Variants in KNTC1 observed in about 807,000 individuals in gnomAD.
The protein encoded by KNTC1 is kinetochore associated 1.
KNTC1 carries 253 observed loss-of-function variants against 314.4 expected under a neutral mutation model. The observed-to-expected ratio is 0.80, with a 90% CI of 0.73 to 0.89. KNTC1 has a LOEUF of 0.89. KNTC1 is among the 40% of genes least tolerant of loss of function. KNTC1 has a pLI of 0.00. For synonymous variants in KNTC1, 901 were observed against 901.4 expected (o/e 1.00, Z 0.01); for missense variants, 2,475 against 2,572.9 (o/e 0.96, Z 0.82).
intron 2 of KNTC1, among the ~76,000 whole-genome samples, chr12:122,532,750 G>C (rs986239562): frequency 2.6e-5 from 4 of 152,092 alleles, no homozygotes; most frequent in African/African-American, 9.7e-5. Context: ...ATTCCTTTTA[G>C]GATCTTACCT....
At chr12:122,577,172 ACT>A (rs1457278642) in intron 30 of KNTC1, 143 bp downstream of exon 30, 6 of 558,902 alleles carry the variant, frequency 1.1e-5, no homozygotes, top group Non-Finnish European at 1.7e-5. Context: ...CTGGTCTCAA[ACT>A]CTCAACCTGA....
rs200477285 is a variant in KNTC1, at chr12:122,579,974, A to G, written c.2911A>G (p.Lys971Glu). The change falls in exon 32 of 64, where the codon AAA (lysine) becomes GAA (glutamate). Residue 971 changes from lysine to glutamate, a missense_variant. Transcript: ENST00000333479. ...DILKILCDIQ[K>E]DNLQKKDECE... Reference sequence around the variant, plus strand: ...TCTTAAGATACTATGTGACATTCAGAAAGGTAGCTTTTACTTCTGTTTTCT... The same window carrying G: ...TCTTAAGATACTATGTGACATTCAGGAAGGTAGCTTTTACTTCTGTTTTCT... 267 of 1,601,570 alleles carry G rather than the reference A, an allele frequency of 1.7e-4. 5 individuals are homozygous for G. In the Middle Eastern group the frequency reaches 0.011, roughly 64 times the overall value.
chr12:122,592,230 G>A (rs1427663563), intron 42 of KNTC1, among the ~76,000 whole-genome samples: 3 of 152,208 alleles, frequency 2.0e-5, no homozygotes, highest in Non-Finnish European at 2.9e-5. Flanking sequence ...CGCTGTGCTC[G>A]CTTTCTCGCC....
At chr12:122,579,425 T>G (rs952800761) in intron 31 of KNTC1, among the ~76,000 whole-genome samples, 4 of 152,176 alleles carry the variant, frequency 2.6e-5, no homozygotes, top group Middle Eastern at 3.2e-3. Flanking sequence ...TTTGAATTTT[T>G]TTATTGGCGA....
intron 18 of KNTC1, among the ~76,000 whole-genome samples, chr12:122,558,513 C>T (rs774756799): frequency 4.6e-5 from 7 of 151,930 alleles, no homozygotes; most frequent in Non-Finnish European, 8.8e-5. Flanking sequence ...GATCACGCCA[C>T]TGCACTTCAG....
Position 122,595,978 on chromosome 12 carries a change from G to C in KNTC1, c.4355+1593G>C, listed in dbSNP as rs147641465. 7.4e-3 allele frequency among the ~76,000 whole-genome samples: 1,117 copies of C among 151,624 alleles called. 15 individuals are homozygous for C. Among genetic ancestry groups the C allele is most frequent in the African/African-American group, 0.026 (1,070 of 41,334 alleles). Reference sequence around the variant, plus strand: ...AATGGTGGTACTTAAGCCTTTTATTGATATTTTAGTTATGCTGTATAGCAA... The same window carrying C: ...AATGGTGGTACTTAAGCCTTTTATTCATATTTTAGTTATGCTGTATAGCAA... On this transcript the variant is annotated intron_variant, in intron 43 of 63. Transcript: ENST00000333479.
rs953316865 is a variant in KNTC1, at chr12:122,565,519, T to A, written c.1605-2742T>A. Among the ~76,000 whole-genome samples the A allele has an allele frequency of 2.6e-5, 4 of 151,958 alleles. No homozygotes were observed. The East Asian group carries it at 5.8e-4, about 22-fold the overall frequency. On this transcript the variant is annotated intron_variant, in intron 20 of 63. Transcript: ENST00000333479. Reference sequence around the variant, plus strand: ...TTAATTGATTTTGTTATTATTATTTTTTTTTTTTACAAAAAATTCAGAAGT... The same window carrying A: ...TTAATTGATTTTGTTATTATTATTTATTTTTTTTACAAAAAATTCAGAAGT...
intron 16 of KNTC1, among the ~76,000 whole-genome samples, chr12:122,556,827 G>GTT (rs535165258): frequency 7.4e-6 from 1 of 135,394 alleles, no homozygotes; most frequent in Admixed American, 7.5e-5. Context: ...ATCATATAGT[G>GTT]TTTTTTTTTT....
At position 122,573,178 on chromosome 12, in the gene KNTC1, A is replaced by G. The variant is rs374239725; in HGVS notation, c.2176A>G (p.Lys726Glu). Residue 726 changes from lysine (K) to glutamate (E), a missense_variant, in exon 26 of 64, where the codon AAA becomes GAA. Coordinates refer to ENST00000333479, the MANE Select transcript of KNTC1 (RefSeq NM_014708.6). Reference sequence around the variant, plus strand: ...CACCATAGTGTTCCGAATGTTTGATAAAGTGCTGGCCCCAGAGCTTATTCC... The same window carrying G: ...CACCATAGTGTTCCGAATGTTTGATGAAGTGCTGGCCCCAGAGCTTATTCC... Reference protein sequence around the residue: ...TTTIVFRMFDKVLAPELIPSI... With the variant: ...TTTIVFRMFDEVLAPELIPSI... 4.3e-6 allele frequency: 7 copies of G among 1,613,800 alleles called. No homozygotes were observed. In the African/African-American group the frequency reaches 8.0e-5, roughly 18 times the overall value.
intron 51 of KNTC1, among the ~76,000 whole-genome samples, chr12:122,607,264 A>G (rs1367606745): frequency 1.3e-5 from 2 of 152,120 alleles, no homozygotes; most frequent in Non-Finnish European, 1.5e-5. Flanking sequence ...GGGTTTCACC[A>G]TGTTGGCCGG....
chr12:122,569,551 C>T (rs1964559439), intron 21 of KNTC1, 130 bp from the exon 22 acceptor site: 9 of 711,136 alleles, frequency 1.3e-5, no homozygotes, highest in African/African-American at 3.6e-5. Context: ...TAGTGTGAAT[C>T]TCCTTTAGCA....
At chr12:122,591,193 G>A (rs1013558436) in intron 41 of KNTC1, 144 bp from the exon 42 acceptor site, 1 of 615,340 alleles carries the variant, frequency 1.6e-6, no homozygotes, top group East Asian at 2.8e-5. Flanking sequence ...TACGTAAGAA[G>A]TAACGACTGT....
rs1965073116 is a variant in KNTC1, at chr12:122,576,983, A to G, written c.2675A>G (p.Asp892Gly). 3 of 1,591,758 alleles carry G rather than the reference A, an allele frequency of 1.9e-6. No homozygotes were observed. Among genetic ancestry groups the G allele is most frequent in the Non-Finnish European group, 2.6e-6 (3 of 1,167,838 alleles). The change falls in exon 30 of 64, where the codon GAT becomes GGT. Residue 892 changes from aspartate to glycine, a missense_variant. Asp to Gly is a moderately conservative substitution (Grantham distance 94). Transcript: ENST00000333479. ...KVAQAFMLSD[D>G]EIYSLRIIDL... ...GCCCAAGCGTTTATGTTATCTGATG[A>G]TGAGATCTACAGTCTAAGAATTATT...
intron 31 of KNTC1, 28 bp downstream of exon 31, chr12:122,577,819 G>A (rs1965130747): frequency 6.3e-7 from 1 of 1,592,228 alleles, no homozygotes; most frequent in Non-Finnish European, 8.6e-7. Flanking sequence ...TAAAATATAA[G>A]TAAATCCAAT....
chr12:122,557,757 C>G, intron 18 of KNTC1, 68 bp downstream of exon 18: 1 of 1,092,124 alleles, frequency 9.2e-7, no homozygotes, highest in South Asian at 1.4e-5. Flanking sequence ...TCTCATAATC[C>G]TGCCTCAAAT....
In KNTC1 at chr12:122,618,471, T is replaced by TG. The variant is rs760749080; in HGVS notation, c.6086-11_6086-10insG. On this transcript the variant is annotated splice_polypyrimidine_tract_variant and intron_variant, in intron 58 of 63. Coordinates refer to ENST00000333479, the MANE Select transcript of KNTC1 (RefSeq NM_014708.6). ...GTGTATATCATGGTTGTTTTTTTGT[T>TG]TTGTTTTCAGCCTCTTGTCCTTTAA... The TG allele has an allele frequency of 5.5e-5, 88 of 1,612,764 alleles. No individual in the cohort carries two copies. The highest frequency in any genetic ancestry group is 2.7e-4 in the South Asian group (25 of 91,006).
chr12:122,607,183 C>A (rs1872662822), intron 51 of KNTC1, among the ~76,000 whole-genome samples: 1 of 152,130 alleles, frequency 6.6e-6, no homozygotes, highest in Non-Finnish European at 1.5e-5. Context: ...CATGTCTCAG[C>A]CTCCCAAGTA....
intron 43 of KNTC1, 88 bp downstream of exon 43, chr12:122,594,473 T>G (rs10847242): frequency 0.64 from 503,822 of 781,574 alleles, 163,934 homozygotes; most frequent in East Asian, 0.85. Context: ...GATTATTTTA[T>G]GAGGTCCATA....
intron 31 of KNTC1, among the ~76,000 whole-genome samples, chr12:122,578,952 A>T (rs562013097): frequency 6.6e-6 from 1 of 151,928 alleles, no homozygotes; most frequent in Non-Finnish European, 1.5e-5. Flanking sequence ...TATGAAAGTA[A>T]ATGACTTTTT....
Sources: gnomAD v4.1 joint callset for allele counts (sites outside exome capture counted in the v4.1 genomes callset) on GRCh38, gnomAD v4.1.1 for gene constraint, MANE v1.5 for transcripts, NCBI Gene and HGNC (gene_info 2026-07-23, HGNC 2026-07-21) for gene names.